The following SYT16 variants were observed in gnomAD, a reference collection of about 807,000 sequenced individuals.
SYT16 encodes the protein synaptotagmin 16, also known as synaptotagmin-16.
In SYT16, 42 loss-of-function variants were observed where a neutral mutation model predicts 61.4. The ratio of observed to expected loss-of-function variants is 0.68; its 90% CI spans 0.53 to 0.89. The LOEUF (loss-of-function observed/expected upper bound fraction) is 0.89. Among genes scored for constraint, SYT16 ranks in the 40% least tolerant of loss-of-function variants. SYT16 has a pLI of 0.00. For missense variants in SYT16, 804 were observed against 807.3 expected, an observed-to-expected ratio of 1.00 and a Z score of 0.05; for synonymous variants, 314 against 302.3, an observed-to-expected ratio of 1.04 and a Z score of -0.40.
intron 1 of SYT16, among the ~76,000 whole-genome samples, chr14:61,848,082 G>T (rs1290034638): frequency 6.6e-6 from 1 of 152,174 alleles, no homozygotes; most frequent in African/African-American, 2.4e-5. Context: ...GTTTGGTGAG[G>T]TCATGTTTTC....
At chr14:61,911,056 C>G (rs217632) in intron 1 of SYT16, among the ~76,000 whole-genome samples, 19,819 of 152,204 alleles carry the variant, frequency 0.13, 2,000 homozygotes, top group African/African-American at 0.28. Context: ...CAATTTCTTG[C>G]CTATTGACTG....
At chr14:61,972,360 A>G (rs977328286) in intron 2 of SYT16, among the ~76,000 whole-genome samples, 4 of 152,232 alleles carry the variant, frequency 2.6e-5, no homozygotes, top group Non-Finnish European at 5.9e-5. Flanking sequence ...AATATTTTAG[A>G]GACAATTATG....
At chr14:61,880,815 T>C (rs1354311587) in intron 1 of SYT16, among the ~76,000 whole-genome samples, 1 of 152,210 alleles carries the variant, frequency 6.6e-6, no homozygotes, top group Non-Finnish European at 1.5e-5. Context: ...GAAATTTTTA[T>C]TTATAATGAT....
intron 1 of SYT16, among the ~76,000 whole-genome samples, chr14:61,963,759 G>A (rs1032119746): frequency 5.3e-5 from 8 of 152,164 alleles, no homozygotes; most frequent in Non-Finnish European, 5.9e-5. Flanking sequence ...GAGAGGAGAC[G>A]TCAATGCCTG....
chr14:61,941,240 C>T (rs1015531371), intron 1 of SYT16, among the ~76,000 whole-genome samples: 3 of 152,126 alleles, frequency 2.0e-5, no homozygotes, highest in African/African-American at 7.2e-5. Flanking sequence ...AGGACTTTAC[C>T]AGTCACTAGC....
chr14:61,981,661 G>A (rs1889805), intron 2 of SYT16, among the ~76,000 whole-genome samples: 2,903 of 152,044 alleles, frequency 0.019, 51 homozygotes, highest in South Asian at 0.029. Flanking sequence ...ACGGGTTATT[G>A]TCCCCTGCTT....
intron 4 of SYT16, among the ~76,000 whole-genome samples, chr14:62,071,277 A>G (rs896367324): frequency 6.6e-6 from 1 of 152,214 alleles, no homozygotes; most frequent in Admixed American, 6.5e-5. Flanking sequence ...TGATTCCCTG[A>G]GAACAGCTTG....
chr14:62,000,622 T>C (rs2052975235), intron 3 of SYT16, among the ~76,000 whole-genome samples: 1 of 152,054 alleles, frequency 6.6e-6, no homozygotes, highest in Non-Finnish European at 1.5e-5. Flanking sequence ...CTTTGTTTCT[T>C]TTATCCTAAT....
intron 1 of SYT16, among the ~76,000 whole-genome samples, chr14:61,955,816 T>C (rs1375307620): frequency 1.3e-5 from 2 of 152,082 alleles, no homozygotes; most frequent in Non-Finnish European, 2.9e-5. Flanking sequence ...ACAAGCTAGA[T>C]TGCTGGGTCA....
chr14:62,002,401 C>G (rs1184665676), intron 3 of SYT16, among the ~76,000 whole-genome samples: 2 of 152,058 alleles, frequency 1.3e-5, no homozygotes, highest in East Asian at 3.9e-4. Context: ...AACATCGTCT[C>G]CTCTTTTTGC....
intron 3 of SYT16, among the ~76,000 whole-genome samples, chr14:61,998,410 A>G (rs1046329857): frequency 4.0e-5 from 6 of 151,860 alleles, no homozygotes; most frequent in Non-Finnish European, 8.8e-5. Context: ...CTCTTGTTTT[A>G]TCTTTTTCAG....
At chr14:62,058,340 CTTTTTTTTTTTTT>C (rs796187620) in intron 3 of SYT16, among the ~76,000 whole-genome samples, 3 of 109,028 alleles carry the variant, frequency 2.8e-5, no homozygotes, top group Non-Finnish European at 3.7e-5. Flanking sequence ...TGTTTAAATT[CTTTTTTTTTTTTT>C]TTTTTTTTTG....
chr14:62,096,001 G>A (rs2057261929), intron 7 of SYT16, among the ~76,000 whole-genome samples: 1 of 151,862 alleles, frequency 6.6e-6, no homozygotes, highest in East Asian at 1.9e-4. Context: ...AAATTAGTGG[G>A]GAGATAATGG....
chr14:62,012,547 G>A (rs2053510658), intron 3 of SYT16, among the ~76,000 whole-genome samples: 1 of 152,214 alleles, frequency 6.6e-6, no homozygotes, highest in Non-Finnish European at 1.5e-5. Context: ...AGTGCTGAAG[G>A]GGGAGGGGCA....
intron 1 of SYT16, among the ~76,000 whole-genome samples, chr14:61,879,330 C>A (rs552259469): frequency 6.6e-5 from 10 of 152,332 alleles, no homozygotes; most frequent in African/African-American, 2.4e-4. Flanking sequence ...GAGATTACAA[C>A]TGTGAAGAAG....
intron 1 of SYT16, among the ~76,000 whole-genome samples, chr14:61,961,408 T>TA (rs1190267313): frequency 2.0e-5 from 3 of 151,914 alleles, no homozygotes; most frequent in South Asian, 2.1e-4. Context: ...ATAAGAAACT[T>TA]AAAAAAACTT....
At chr14:61,825,056 C>CA (rs938034312) in intron 1 of SYT16, among the ~76,000 whole-genome samples, 5 of 151,906 alleles carry the variant, frequency 3.3e-5, no homozygotes, top group African/African-American at 1.2e-4. Context: ...GCCCTAAAAC[C>CA]AAAAAAATGG....
chr14:62,058,251 T>C (rs2055655124), intron 3 of SYT16, among the ~76,000 whole-genome samples: 1 of 152,150 alleles, frequency 6.6e-6, no homozygotes, highest in African/African-American at 2.4e-5. Flanking sequence ...TGTAAGTCTT[T>C]GTGTGAACAT....
intron 1 of SYT16, among the ~76,000 whole-genome samples, chr14:61,918,224 G>A (rs570138285): frequency 6.6e-6 from 1 of 152,248 alleles, no homozygotes; most frequent in African/African-American, 2.4e-5. Flanking sequence ...TTGTTGTTCT[G>A]TTTTAAACAA....
Sources: allele counts gnomAD v4.1 joint callset (sites outside exome capture counted in the v4.1 genomes callset), GRCh38; gene constraint gnomAD v4.1.1; transcripts MANE v1.5; gene names NCBI Gene and HGNC (gene_info 2026-07-23, HGNC 2026-07-21).